The following LINGO2 variants were observed in gnomAD, a reference collection of about 807,000 sequenced individuals.
The protein encoded by LINGO2 is leucine-rich repeat and immunoglobulin-like domain-containing nogo receptor-interacting protein 2.
Under a neutral mutation model 30.6 loss-of-function variants are expected in LINGO2, and 14 were observed. That is an observed-to-expected ratio of 0.46 (90% CI 0.30 to 0.72). The LOEUF is 0.72. Ranked by LOEUF, LINGO2 falls within the 30% of genes least tolerant of loss-of-function variation. The pLI, the probability that LINGO2 is intolerant of heterozygous loss-of-function variation, is 0.07. For synonymous variants in LINGO2, 317 were observed against 288.5 expected, an observed-to-expected ratio of 1.10 and a Z score of -1.00; for missense variants, 729 against 751.7, an observed-to-expected ratio of 0.97 and a Z score of 0.35.
chr9:28,098,402 A>G (rs1563973440), intron 4 of LINGO2, among the ~76,000 whole-genome samples: 1 of 152,190 alleles, frequency 6.6e-6, no homozygotes, highest in Non-Finnish European at 1.5e-5. Flanking sequence ...TGTGAATTAT[A>G]TATCAATAAA....
the LINGO2 span, among the ~76,000 whole-genome samples, chr9:28,909,450 T>A: frequency 4.6e-5 from 7 of 152,080 alleles, no homozygotes; most frequent in East Asian, 3.9e-4. Context: ...ATAGGTTTTT[T>A]AAAAATATAC....
chr9:28,469,125 C>A (rs533265287), intron 2 of LINGO2, among the ~76,000 whole-genome samples: 4 of 151,432 alleles, frequency 2.6e-5, no homozygotes, highest in Non-Finnish European at 5.9e-5. Context: ...AAAAAAGAAC[C>A]AAACATAAAT....
the LINGO2 span, among the ~76,000 whole-genome samples, chr9:28,848,273 T>C: frequency 1.0e-5 from 1 of 95,502 alleles, no homozygotes; most frequent in Non-Finnish European, 1.9e-5. Flanking sequence ...GTATATATAC[T>C]ATATATACAC....
At chr9:28,715,230 C>A in the LINGO2 span, among the ~76,000 whole-genome samples, 1 of 152,116 alleles carries the variant, frequency 6.6e-6, no homozygotes, top group South Asian at 2.1e-4. Flanking sequence ...AGTAAATGAG[C>A]AGACTGTTCA....
At chr9:28,430,126 G>T (rs1455370162) in intron 2 of LINGO2, among the ~76,000 whole-genome samples, 3 of 147,404 alleles carry the variant, frequency 2.0e-5, no homozygotes, top group Admixed American at 6.8e-5. Context: ...GTGTGTGTGT[G>T]TGTGATTCTG....
At chr9:29,109,960 TG>T in the LINGO2 span, among the ~76,000 whole-genome samples, 1 of 152,160 alleles carries the variant, frequency 6.6e-6, no homozygotes, top group Non-Finnish European at 1.5e-5. Context: ...GGTCATTCCT[TG>T]TTACAGATGA....
rs530568944 is a variant in LINGO2, at chr9:28,066,493, C to A, written c.-86-54088G>T. ...CCTGAAGATGTATCATGATCTCAGTCCCTACGGGGCTTCCCAGGTGGAAAC... is the reference window on the plus strand; with the variant it reads ...CCTGAAGATGTATCATGATCTCAGTACCTACGGGGCTTCCCAGGTGGAAAC... On this transcript the variant is annotated intron_variant, in intron 4 of 5. Transcript: ENST00000379992. Among the ~76,000 whole-genome samples, 13 of 152,204 alleles carry A rather than the reference C, an allele frequency of 8.5e-5. No individual in the cohort carries two copies. In the East Asian group the frequency reaches 2.5e-3, roughly 29 times the overall value.
upstream of LINGO2, among the ~76,000 whole-genome samples, chr9:28,671,753 C>A (rs1588053064): frequency 6.6e-6 from 1 of 151,866 alleles, no homozygotes; most frequent in East Asian, 1.9e-4. Flanking sequence ...CCCTATATAA[C>A]AAACCTGAAC....
At chr9:28,382,776 C>G (rs1821404785) in intron 2 of LINGO2, among the ~76,000 whole-genome samples, 1 of 152,044 alleles carries the variant, frequency 6.6e-6, no homozygotes, top group Non-Finnish European at 1.5e-5. Flanking sequence ...TACTTGTCCC[C>G]ATGATTCATT....
chr9:28,195,207 C>A (rs1201292468), intron 4 of LINGO2, among the ~76,000 whole-genome samples: 3 of 151,730 alleles, frequency 2.0e-5, no homozygotes, highest in Admixed American at 6.6e-5. Flanking sequence ...TGTATAGGAA[C>A]CAGCTACAAT....
intron 4 of LINGO2, among the ~76,000 whole-genome samples, chr9:28,054,785 AACTT>A (rs1438494220): frequency 6.6e-6 from 1 of 151,244 alleles, no homozygotes; most frequent in Non-Finnish European, 1.5e-5. Context: ...TCCAGGCTAT[AACTT>A]AATTTTTAAT....
intron 1 of LINGO2, among the ~76,000 whole-genome samples, chr9:28,518,079 T>A (rs1195731491): frequency 6.6e-6 from 1 of 152,102 alleles, no homozygotes; most frequent in Admixed American, 6.6e-5. Flanking sequence ...ATGTGATGTA[T>A]GGAGCAGAGT....
At chr9:28,663,359 T>A (rs1381721684) in intron 1 of LINGO2, among the ~76,000 whole-genome samples, 2 of 152,094 alleles carry the variant, frequency 1.3e-5, no homozygotes, top group African/African-American at 4.8e-5. Flanking sequence ...CTAGTAGAGA[T>A]GGGGTATCAC....
At chr9:28,689,291 T>G in the LINGO2 span, among the ~76,000 whole-genome samples, 7 of 152,202 alleles carry the variant, frequency 4.6e-5, no homozygotes, top group African/African-American at 1.7e-4. Flanking sequence ...GTCCCACAAC[T>G]GCAAAATAAT....
At chr9:28,744,609 CG>C in the LINGO2 span, among the ~76,000 whole-genome samples, 8,837 of 133,786 alleles carry the variant, frequency 0.066, 1,035 homozygotes, top group African/African-American at 0.15. Context: ...ATATTCCCCT[CG>C]TGTGTGTGTG....
chr9:28,292,081 T>C (rs970976402), intron 4 of LINGO2, among the ~76,000 whole-genome samples: 4 of 152,214 alleles, frequency 2.6e-5, no homozygotes, highest in Admixed American at 6.5e-5. Context: ...TATCCTGAGT[T>C]ATCCTAAATG....
the LINGO2 span, among the ~76,000 whole-genome samples, chr9:29,055,938 G>GTATATATATATATA: frequency 0.16 from 15,772 of 96,472 alleles, 1,519 homozygotes; most frequent in Non-Finnish European, 0.2. Flanking sequence ...GTATGTGTGT[G>GTATATATATATATA]TGTATATATA....
the LINGO2 span, among the ~76,000 whole-genome samples, chr9:28,811,563 T>C: frequency 6.6e-6 from 1 of 152,176 alleles, no homozygotes; most frequent in Non-Finnish European, 1.5e-5. Context: ...TTCACACTTT[T>C]TACCCACACT....
At chr9:29,137,341 A>C in the LINGO2 span, among the ~76,000 whole-genome samples, 1 of 152,274 alleles carries the variant, frequency 6.6e-6, no homozygotes, top group African/African-American at 2.4e-5. Context: ...TTCATTATTT[A>C]ACAGTTCACA....
Sources: gnomAD v4.1 joint callset for allele counts (sites outside exome capture counted in the v4.1 genomes callset) on GRCh38, gnomAD v4.1.1 for gene constraint, MANE v1.5 for transcripts, NCBI Gene and HGNC (gene_info 2026-07-23, HGNC 2026-07-21) for gene names.